STRIP2: variants seen among roughly 807,000 people sequenced by gnomAD.
STRIP2 encodes striatin-interacting protein 2.
In STRIP2, 84 loss-of-function variants were observed where a neutral mutation model predicts 107.1. The ratio of observed to expected loss-of-function variants is 0.78; its 90% CI spans 0.66 to 0.94. The LOEUF is 0.94. STRIP2 is among the 40% of genes least tolerant of loss of function. STRIP2 has a pLI of 0.00. For synonymous variants in STRIP2, 394 were observed against 400.4 expected, an observed-to-expected ratio of 0.98 and a Z score of 0.19; for missense variants, 888 against 1,034.2, an observed-to-expected ratio of 0.86 and a Z score of 1.94.
chr7:129,481,003 G>T, intron 19 of STRIP2, 114 bp downstream of exon 19: 1 of 705,370 alleles, frequency 1.4e-6, no homozygotes, highest in Non-Finnish European at 2.4e-6. Flanking sequence ...GACACTGAAT[G>T]CTACATAAGA....
chr7:129,456,430 C>G lies in STRIP2; in HGVS notation c.835-9C>G. 6.2e-7 allele frequency: 1 copy of G among 1,613,638 alleles called. No individual in the cohort carries two copies. Among genetic ancestry groups the G allele is most frequent in the African/African-American group, 1.3e-5 (1 of 74,978 alleles). ...CTCTCTCTCTGCCCCTTTCCTGTTT[C>G]TTCCTTAGTTTACCCTCGGTGGATT... On this transcript the variant is annotated splice_polypyrimidine_tract_variant and intron_variant, in intron 8 of 20. Coordinates refer to ENST00000249344, the MANE Select transcript of STRIP2 (RefSeq NM_020704.3).
chr7:129,440,113 AGCTAGTG>A, intron 2 of STRIP2, 22 bp downstream of exon 2: 1 of 1,605,950 alleles, frequency 6.2e-7, no homozygotes, highest in Non-Finnish European at 8.5e-7. Flanking sequence ...ATGGGTCAGT[AGCTAGTG>A]GAAGAATGGC....
At chr7:129,451,547 A>G in intron 3 of STRIP2, 66 bp from the exon 4 acceptor site, 1 of 1,585,112 alleles carries the variant, frequency 6.3e-7, no homozygotes, top group Non-Finnish European at 8.6e-7. Flanking sequence ...TGGATATGCT[A>G]TGAGGAGCCT....
In STRIP2 at chr7:129,477,458, T is replaced by C. The variant is rs184863131; in HGVS notation, c.1945-3327T>C. ...CAATTTTCCTGTTGGTCACTATTTCTATAATGGGTTCTTGGGGAGATTAGA... is the reference window on the plus strand; with the variant it reads ...CAATTTTCCTGTTGGTCACTATTTCCATAATGGGTTCTTGGGGAGATTAGA... On this transcript the variant is annotated intron_variant, in intron 18 of 20. Coordinates refer to ENST00000249344, the MANE Select transcript of STRIP2 (RefSeq NM_020704.3). 2.0e-4 allele frequency among the ~76,000 whole-genome samples: 31 copies of C among 152,312 alleles called. No individual in the cohort carries two copies. The East Asian group carries it at 6.0e-3, about 29-fold the overall frequency.
In STRIP2 at chr7:129,459,646, T is replaced by C; in HGVS notation, c.1404+66T>C. On this transcript the variant is annotated intron_variant, in intron 12 of 20. Transcript: ENST00000249344. The stretch of plus-strand genomic sequence containing the variant: ...ATCAAAGCAGGTCAGATTACCAGGC[T>C]CCTGGATACTGGGTGGGGCTTTTAT... 3.0e-6 allele frequency: 4 copies of C among 1,332,310 alleles called. No individual in the cohort carries two copies. The South Asian group carries it at 3.5e-5, about 12-fold the overall frequency. The allele number at this position is 1,332,310 out of a possible 1,614,324, so 82.5% of individuals were successfully genotyped here. A position where few individuals can be genotyped will look rare whatever the true frequency, so the allele number is the denominator to read the frequency against.
At chr7:129,454,052 C>A (rs2150997538) in intron 5 of STRIP2, 90 bp from the exon 6 acceptor site, 9 of 1,218,148 alleles carry the variant, frequency 7.4e-6, no homozygotes, top group Middle Eastern at 1.9e-4. Flanking sequence ...CAGGGAATGG[C>A]AAGCACTCAT....
At chr7:129,457,217 G>A (rs1163624650) in intron 9 of STRIP2, among the ~76,000 whole-genome samples, 1 of 152,184 alleles carries the variant, frequency 6.6e-6, no homozygotes, top group Non-Finnish European at 1.5e-5. Flanking sequence ...ATCATAGAGT[G>A]TACTTACACA....
intron 19 of STRIP2, among the ~76,000 whole-genome samples, chr7:129,482,384 T>A (rs1169646283): frequency 3.6e-4 from 50 of 139,658 alleles, no homozygotes; most frequent in African/African-American, 1.1e-3. Flanking sequence ...TATATTTTTT[T>A]TTTTTTTTTT....
rs1461789758 is a variant in STRIP2 at position 129,472,190 on chromosome 7, G to A, written c.1944+1475G>A. 6.1e-4 allele frequency among the ~76,000 whole-genome samples: 93 copies of A among 152,174 alleles called. 2 individuals are homozygous for A. The highest frequency in any genetic ancestry group is 6.1e-3 in the Admixed American group (93 of 15,274). ...TTTTCCACAGAAACAGTGGTACACA[G>A]TAGCATTAAAATTCTGCTATTAGTA... On this transcript the variant is annotated intron_variant, in intron 18 of 20. Transcript: ENST00000249344.
rs370579791 is a variant in STRIP2, at chr7:129,455,278, T to C, written c.741T>C (p.Leu247=). The change falls in exon 8 of 21, where the codon CTT becomes CTC. Residue 247 remains leucine (L), a synonymous_variant. Coordinates refer to ENST00000249344, the MANE Select transcript of STRIP2 (RefSeq NM_020704.3). Reference sequence around the variant, plus strand: ...TGCATAATGAGGAGCCTTTTGCCCTTTTACTCTTCTCCATGGTTACCAAGT... The same window carrying C: ...TGCATAATGAGGAGCCTTTTGCCCTCTTACTCTTCTCCATGGTTACCAAGT... ...FSMHNEEPFA[L]LLFSMVTKFC... 5.0e-6 allele frequency: 8 copies of C among 1,613,782 alleles called. No individual in the cohort carries two copies. The highest frequency in any genetic ancestry group is 6.8e-6 in the Non-Finnish European group (8 of 1,179,930).
rs570720313 is a variant in STRIP2 at position 129,482,167 on chromosome 7, CA to C, written c.2050-668del. Reference sequence around the variant, plus strand: ...ACTCCATCTTAAAAACAAAACAAAACAAAAAAATAAAAGTAATATATGCATA... The same window carrying C: ...ACTCCATCTTAAAAACAAAACAAAACAAAAAATAAAAGTAATATATGCATA... On this transcript the variant is annotated intron_variant, in intron 19 of 20. Coordinates refer to ENST00000249344, the MANE Select transcript of STRIP2 (RefSeq NM_020704.3). 3.7e-3 allele frequency among the ~76,000 whole-genome samples: 557 copies of C among 151,472 alleles called. 1 individual carries two copies. Among genetic ancestry groups the C allele is most frequent in the Non-Finnish European group, 6.5e-3 (442 of 67,830 alleles).
At position 129,487,977 on chromosome 7, in the gene STRIP2, G is replaced by A. The variant is rs1654262664; in HGVS notation, c.*2148G>A. The A allele has an allele frequency of 6.6e-6, 1 of 152,190 alleles. No individual in the cohort carries two copies. Among genetic ancestry groups the A allele is most frequent in the South Asian group, 2.1e-4 (1 of 4,836 alleles). The allele number at this position is 152,190 out of a possible 1,614,324, so 9.4% of individuals were successfully genotyped here. ...AGAAACTGAAGCACTAAGGATAAAT[G>A]ATTAGTTTCCAATCACATCATTTTT... is the stretch of plus-strand genomic sequence containing the variant. On this transcript the variant is annotated 3_prime_UTR_variant, in exon 21 of 21. Coordinates refer to ENST00000249344, the MANE Select transcript of STRIP2 (RefSeq NM_020704.3).
chr7:129,462,796 G>T (rs1250107333), intron 13 of STRIP2, among the ~76,000 whole-genome samples, 170 bp from the exon 14 acceptor site: 5 of 152,158 alleles, frequency 3.3e-5, no homozygotes, highest in African/African-American at 1.2e-4. Context: ...CTCAGAAAAG[G>T]AATGTGACTT....
Position 129,458,170 on chromosome 7 carries a change from AGAGT to A in STRIP2, c.1039-41_1039-38del. The A allele has an allele frequency of 6.7e-7, 1 of 1,503,190 alleles. No homozygotes were observed. The highest frequency in any genetic ancestry group is 2.3e-5 in the East Asian group (1 of 44,138). 93.1% of individuals were successfully genotyped at this position (1,503,190 alleles called of 1,614,324 possible). A position where few individuals can be genotyped will look rare whatever the true frequency, so the allele number is the denominator to read the frequency against. ...GGGGTGGCCTCAGACAAGGATGCCC[AGAGT>A]GAGATCTCTGCATGCCTACCCTCCC... On this transcript the variant is annotated intron_variant, in intron 9 of 20. Coordinates refer to ENST00000249344, the MANE Select transcript of STRIP2 (RefSeq NM_020704.3). This position sits in a 1 kb window ranked among gnomAD's most constrained non-coding sequence, Gnocchi z 4.6.
rs997856033 is a variant in STRIP2 at position 129,487,944 on chromosome 7, G to T, written c.*2115G>T. The T allele has an allele frequency of 6.6e-6, 1 of 152,206 alleles. No individual in the cohort carries two copies. The highest frequency in any genetic ancestry group is 1.5e-5 in the Non-Finnish European group (1 of 68,032). The allele number at this position is 152,206 out of a possible 1,614,324, so 9.4% of individuals were successfully genotyped here. A position where few individuals can be genotyped will look rare whatever the true frequency, so the allele number is the denominator to read the frequency against. ...TTCTAAGGGAAGGTTACTTCTCAGT[G>T]CAGATGGAGAAACTGAAGCACTAAG... On this transcript the variant is annotated 3_prime_UTR_variant, in exon 21 of 21. Transcript: ENST00000249344.
Position 129,451,705 on chromosome 7 carries a change from C to T in STRIP2, c.367C>T (p.Arg123Trp), listed in dbSNP as rs777011135. Residue 123 changes from arginine (R) to tryptophan (W), a missense_variant, in exon 4 of 21, where the codon CGG becomes TGG. Transcript: ENST00000249344. ...LDRLEVVSRE[R>W]RLKVARAVLY... ...CCGGCTAGAGGTGGTCAGTAGGGAA[C>T]GGCGGCTGAAGGTGGCCCGGGCTGT... 2.7e-5 allele frequency: 43 copies of T among 1,613,910 alleles called. No homozygotes were observed. Among genetic ancestry groups the T allele is most frequent in the South Asian group, 4.4e-5 (4 of 91,078 alleles).
intron 8 of STRIP2, 68 bp from the exon 9 acceptor site, chr7:129,456,371 C>T (rs1798353192): frequency 2.8e-6 from 4 of 1,440,998 alleles, no homozygotes; most frequent in Admixed American, 1.7e-5. Flanking sequence ...TCCATGTTTC[C>T]CTGACCTTGG....
At chr7:129,452,747 G>A (rs916090599) in intron 4 of STRIP2, among the ~76,000 whole-genome samples, 8 of 152,208 alleles carry the variant, frequency 5.3e-5, no homozygotes, top group African/African-American at 1.7e-4. Flanking sequence ...GGGAATCAGT[G>A]TGCTCCTTTA....
At chr7:129,459,427 G>A (rs1798464335) in intron 11 of STRIP2, 90 bp from the exon 12 acceptor site, 1 of 1,117,578 alleles carries the variant, frequency 8.9e-7, no homozygotes, top group Admixed American at 1.7e-5. Context: ...GTTGAAAGTA[G>A]CATGGTCTGT....
Sources: gnomAD v4.1 joint callset for allele counts (sites outside exome capture counted in the v4.1 genomes callset) on GRCh38, gnomAD v4.1.1 for gene constraint, Gnocchi (gnomAD v3.1) non-coding constraint, MANE v1.5 for transcripts, NCBI Gene and HGNC (gene_info 2026-07-23, HGNC 2026-07-21) for gene names.